Variants in SLC12A7 observed in about 807,000 individuals in gnomAD.
SLC12A7 encodes the protein K-Cl cotransporter 4.
SLC12A7 carries 100 observed loss-of-function variants against 120.6 expected under a neutral mutation model. The observed-to-expected ratio is 0.83, with a 90% CI of 0.71 to 0.98. The LOEUF is 0.98. Among genes scored for constraint, SLC12A7 ranks in the 50% least tolerant of loss-of-function variants. The pLI, the probability that SLC12A7 is intolerant of heterozygous loss-of-function variation, is 0.00. For synonymous variants in SLC12A7, 760 were observed against 678.0 expected (o/e 1.12, Z -1.88); for missense variants, 1,373 against 1,548.1 (o/e 0.89, Z 1.90).
At position 1,078,016 on chromosome 5, in the gene SLC12A7, AGGCG is replaced by A. The variant is rs1554016503; in HGVS notation, c.1455-13_1455-10del. 3.9e-6 allele frequency: 6 copies of A among 1,545,620 alleles called. No individual in the cohort carries two copies. The highest frequency in any genetic ancestry group is 3.5e-6 in the Non-Finnish European group (4 of 1,146,528). The stretch of plus-strand genomic sequence containing the variant: ...GCAGGGCCTCCCCGAACCTGCAGGC[AGGCG>A]GGCAGGCGGGCGGGCGGCTTTCAGA... On this transcript the variant is annotated splice_polypyrimidine_tract_variant and intron_variant, in intron 11 of 23. Transcript: ENST00000264930.
intron 1 of SLC12A7, among the ~76,000 whole-genome samples, chr5:1,106,242 C>T (rs367943875): frequency 2.0e-5 from 3 of 152,184 alleles, no homozygotes; most frequent in African/African-American, 7.2e-5. Context: ...CACTAGAGGC[C>T]AGGAGTTCAA....
At chr5:1,087,098 CT>C in intron 5 of SLC12A7, 65 bp from the exon 6 acceptor site, 1 of 1,526,048 alleles carries the variant, frequency 6.6e-7, no homozygotes, top group East Asian at 2.4e-5. Context: ...GAGGTGCGGT[CT>C]GCGCTGCCAT....
At chr5:1,127,032 T>C in the SLC12A7 span, among the ~76,000 whole-genome samples, 3 of 152,166 alleles carry the variant, frequency 2.0e-5, no homozygotes, top group Admixed American at 1.3e-4. Flanking sequence ...TCTTTTTTTT[T>C]TTAGACGAAG....
intron 6 of SLC12A7, among the ~76,000 whole-genome samples, chr5:1,085,994 T>G (rs973054823): frequency 3.9e-5 from 6 of 152,096 alleles, no homozygotes; most frequent in African/African-American, 9.7e-5. Context: ...CGTGAGACAG[T>G]GCTGCTCAGC....
intron 11 of SLC12A7, 65 bp downstream of exon 11, chr5:1,078,636 A>G: frequency 7.4e-7 from 1 of 1,351,108 alleles, no homozygotes; most frequent in East Asian, 2.3e-5. Context: ...TCAAAGCCGA[A>G]TTCATCCTCA....
At chr5:1,139,701 G>A in the SLC12A7 span, among the ~76,000 whole-genome samples, 1 of 152,224 alleles carries the variant, frequency 6.6e-6, no homozygotes, top group Non-Finnish European at 1.5e-5. Context: ...TGACCCTGGG[G>A]TGGCCACGGC....
intron 1 of SLC12A7, among the ~76,000 whole-genome samples, chr5:1,109,652 A>G (rs919513723): frequency 6.6e-6 from 1 of 151,192 alleles, no homozygotes. Context: ...CCCGGGCAGC[A>G]GCATCTACCC....
the SLC12A7 span, among the ~76,000 whole-genome samples, chr5:1,146,109 G>A: frequency 2.0e-5 from 3 of 152,146 alleles, no homozygotes; most frequent in East Asian, 5.8e-4. This position sits in a 1 kb window ranked among gnomAD's most constrained non-coding sequence, Gnocchi z 6.5. Flanking sequence ...TATTCTGCAG[G>A]ATTGACCTTT....
At chr5:1,067,632 T>G (rs1053993798) in intron 17 of SLC12A7, among the ~76,000 whole-genome samples, 3 of 152,248 alleles carry the variant, frequency 2.0e-5, no homozygotes, top group Non-Finnish European at 4.4e-5. Flanking sequence ...GGCCACTTCC[T>G]ACATGACTGG....
At chr5:1,119,908 G>C in the SLC12A7 span, among the ~76,000 whole-genome samples, 95,114 of 152,184 alleles carry the variant, frequency 0.62, 29,906 homozygotes, top group African/African-American at 0.67. Context: ...CTGCCTCCCC[G>C]CAAAAATCCA....
At chr5:1,094,540 G>A (rs989547383) in intron 1 of SLC12A7, among the ~76,000 whole-genome samples, 3 of 152,134 alleles carry the variant, frequency 2.0e-5, no homozygotes, top group Admixed American at 1.3e-4. Flanking sequence ...CAGAACACAC[G>A]CTAGCTCCAG....
At chr5:1,101,243 C>T (rs540896893) in intron 1 of SLC12A7, among the ~76,000 whole-genome samples, 1 of 152,344 alleles carries the variant, frequency 6.6e-6, no homozygotes, top group South Asian at 2.1e-4. Context: ...CACCGGTGCC[C>T]GTCCCTCCAG....
At chr5:1,095,776 G>A (rs1741071873) in intron 1 of SLC12A7, among the ~76,000 whole-genome samples, 1 of 152,224 alleles carries the variant, frequency 6.6e-6, no homozygotes. Context: ...AGGAGTGGTG[G>A]GTTCCAGCCG....
At chr5:1,118,886 G>A in the SLC12A7 span, among the ~76,000 whole-genome samples, 3 of 152,208 alleles carry the variant, frequency 2.0e-5, no homozygotes, top group Non-Finnish European at 2.9e-5. Context: ...CTTCTGGGCC[G>A]GCTGGCGGGA....
At chr5:1,133,127 G>C in the SLC12A7 span, among the ~76,000 whole-genome samples, 1 of 152,200 alleles carries the variant, frequency 6.6e-6, no homozygotes, top group Non-Finnish European at 1.5e-5. Context: ...TGTTGGCCAG[G>C]CTGGTCTCGA....
Position 1,064,155 on chromosome 5 carries a change from G to A in SLC12A7, c.2535C>T (p.His845=). ...CGTGCACGATCCACCACACGTCGATGTGGCCCCCGCCGAAGCGCTCCTGGT... is the reference window on the plus strand; with the variant it reads ...CGTGCACGATCCACCACACGTCGATATGGCCCCCGCCGAAGCGCTCCTGGT... ...PQNQERFGGG[H]IDVWWIVHDG... Residue 845 remains histidine, a synonymous_variant, in exon 19 of 24, where the codon CAC becomes CAT. Coordinates refer to ENST00000264930, the MANE Select transcript of SLC12A7 (RefSeq NM_006598.3). The A allele has an allele frequency of 1.2e-6, 2 of 1,612,214 alleles. No individual in the cohort carries two copies. The highest frequency in any genetic ancestry group is 1.7e-6 in the Non-Finnish European group (2 of 1,179,618).
the SLC12A7 span, among the ~76,000 whole-genome samples, chr5:1,124,372 G>A: frequency 2.6e-5 from 4 of 152,188 alleles, no homozygotes; most frequent in Non-Finnish European, 5.9e-5. Context: ...TGCGTGCAGT[G>A]GTCAAAGAAA....
intron 1 of SLC12A7, among the ~76,000 whole-genome samples, chr5:1,106,967 G>A (rs946134276): frequency 3.9e-5 from 6 of 152,200 alleles, no homozygotes; most frequent in East Asian, 1.9e-4. Flanking sequence ...GGAGGCAAAC[G>A]CACACCTCAC....
chr5:1,052,223 G>A lies in SLC12A7; in HGVS notation c.*137C>T. 2 of 741,044 alleles carry A rather than the reference G, an allele frequency of 2.7e-6. No homozygotes were observed. Among genetic ancestry groups the A allele is most frequent in the South Asian group, 1.6e-5 (1 of 64,280 alleles). 45.9% of individuals were successfully genotyped at this position (741,044 alleles called of 1,614,324 possible). A position where few individuals can be genotyped will look rare whatever the true frequency, so the allele number is the denominator to read the frequency against. On this transcript the variant is annotated 3_prime_UTR_variant, in exon 24 of 24. Transcript: ENST00000264930. ...GTGACGGGCCTAGAAACTTCCGTAGGAAGCCCCATGGGCAGCTTGGGCGGC... is the reference window on the plus strand; with the variant it reads ...GTGACGGGCCTAGAAACTTCCGTAGAAAGCCCCATGGGCAGCTTGGGCGGC...
Sources: allele counts gnomAD v4.1 joint callset (sites outside exome capture counted in the v4.1 genomes callset), GRCh38; gene constraint gnomAD v4.1.1; non-coding constraint Gnocchi (gnomAD v3.1); transcripts MANE v1.5; gene names NCBI Gene and HGNC (gene_info 2026-07-23, HGNC 2026-07-21).